Variants in ADAMTS14 observed in about 807,000 individuals in gnomAD.
ADAMTS14 encodes ADAM metallopeptidase with thrombospondin type 1 motif 14, also known as A disintegrin and metalloproteinase with thrombospondin motifs 14.
A neutral mutation model predicts 128.6 loss-of-function variants in ADAMTS14; 100 were observed. That is an observed-to-expected ratio of 0.78 (90% CI 0.66 to 0.92). The LOEUF (loss-of-function observed/expected upper bound fraction) is 0.92. Among genes scored for constraint, ADAMTS14 ranks in the 40% least tolerant of loss-of-function variants. The pLI, the probability that ADAMTS14 is intolerant of heterozygous loss-of-function variation, is 0.00. For missense variants in ADAMTS14, 1,562 were observed against 1,658.6 expected, an observed-to-expected ratio of 0.94 and a Z score of 1.01; for synonymous variants, 665 against 653.8, an observed-to-expected ratio of 1.02 and a Z score of -0.26.
At chr10:70,739,139 G>A (rs1272013380) in intron 11 of ADAMTS14, 149 bp downstream of exon 11, 5 of 1,007,054 alleles carry the variant, frequency 5.0e-6, no homozygotes, top group Non-Finnish European at 7.0e-6. Flanking sequence ...CAAACTTGTT[G>A]GTGGAGGCAG....
intron 4 of ADAMTS14, among the ~76,000 whole-genome samples, chr10:70,727,966 G>T (rs1214194711): frequency 1.3e-5 from 2 of 152,096 alleles, no homozygotes; most frequent in Non-Finnish European, 2.9e-5. Context: ...TGTGGTGGCG[G>T]GTGCCTGTAG....
intron 2 of ADAMTS14, among the ~76,000 whole-genome samples, chr10:70,681,579 C>G (rs1564517481): frequency 1.3e-5 from 2 of 152,248 alleles, no homozygotes; most frequent in African/African-American, 2.4e-5. Flanking sequence ...TGGTGCACAG[C>G]AGACTTGTCT....
At chr10:70,734,357 A>G (rs1251264563) in intron 8 of ADAMTS14, among the ~76,000 whole-genome samples, 2 of 152,120 alleles carry the variant, frequency 1.3e-5, no homozygotes, top group Admixed American at 6.5e-5. Context: ...GGTGATACTT[A>G]TGCCTGCTGA....
At chr10:70,673,554 C>T (rs1839550975) in intron 1 of ADAMTS14, among the ~76,000 whole-genome samples, 1 of 152,130 alleles carries the variant, frequency 6.6e-6, no homozygotes, top group African/African-American at 2.4e-5. Context: ...GTTTGTGAGC[C>T]TTGTTCATGT....
At chr10:70,752,917 C>T (rs1452513457) in intron 18 of ADAMTS14, among the ~76,000 whole-genome samples, 1 of 152,198 alleles carries the variant, frequency 6.6e-6, no homozygotes, top group Non-Finnish European at 1.5e-5. Flanking sequence ...GATAACCAGC[C>T]CCTCCTCTGC....
intron 4 of ADAMTS14, among the ~76,000 whole-genome samples, chr10:70,715,567 G>A (rs1841012374): frequency 1.3e-5 from 2 of 152,126 alleles, no homozygotes; most frequent in Admixed American, 1.3e-4. Flanking sequence ...GAAAAACAAT[G>A]AAACCCACTG....
intron 19 of ADAMTS14, among the ~76,000 whole-genome samples, chr10:70,754,991 A>G (rs1194505002): frequency 6.6e-6 from 1 of 152,172 alleles, no homozygotes; most frequent in East Asian, 1.9e-4. Flanking sequence ...GCCAAGTAAA[A>G]CAAGCCAAGC....
intron 9 of ADAMTS14, 105 bp downstream of exon 9, chr10:70,735,406 G>A: frequency 6.8e-7 from 1 of 1,459,964 alleles, no homozygotes; most frequent in East Asian, 2.4e-5. Context: ...GCTGGCCAGT[G>A]GGCCTGGTGA....
At chr10:70,740,464 G>A (rs1841960955) in intron 11 of ADAMTS14, among the ~76,000 whole-genome samples, 1 of 152,244 alleles carries the variant, frequency 6.6e-6, no homozygotes, top group Non-Finnish European at 1.5e-5. Context: ...GCCACAGCAA[G>A]GCTAAGTGGC....
intron 2 of ADAMTS14, among the ~76,000 whole-genome samples, chr10:70,696,208 A>C (rs891102066): frequency 2.4e-4 from 37 of 152,250 alleles, no homozygotes; most frequent in Middle Eastern, 3.4e-3. Flanking sequence ...TAGCTGCAGG[A>C]GCTGAGTCCT....
intron 2 of ADAMTS14, among the ~76,000 whole-genome samples, chr10:70,683,962 T>A (rs984912665): frequency 1.3e-5 from 2 of 152,108 alleles, no homozygotes; most frequent in African/African-American, 4.8e-5. Flanking sequence ...CTTGCACTGC[T>A]ATAAAAAAAT....
intron 2 of ADAMTS14, among the ~76,000 whole-genome samples, chr10:70,688,004 G>A (rs1370035512): frequency 4.7e-5 from 3 of 63,752 alleles, no homozygotes; most frequent in African/African-American, 1.2e-4. Context: ...GGTGGCTGCC[G>A]GGCGGAGACG....
At chr10:70,686,469 T>C (rs1369270623) in intron 2 of ADAMTS14, among the ~76,000 whole-genome samples, 9 of 91,318 alleles carry the variant, frequency 9.9e-5, no homozygotes. Context: ...TACTTGAGAT[T>C]AGGGATTGGT....
chr10:70,746,557 C>T (rs1245209645), intron 15 of ADAMTS14, among the ~76,000 whole-genome samples: 1 of 152,146 alleles, frequency 6.6e-6, no homozygotes, highest in Non-Finnish European at 1.5e-5. Context: ...CCTGTAATCC[C>T]AACACTTTGG....
At chr10:70,704,957 C>T (rs1209916035) in intron 3 of ADAMTS14, among the ~76,000 whole-genome samples, 2 of 152,000 alleles carry the variant, frequency 1.3e-5, no homozygotes, top group African/African-American at 4.8e-5. Context: ...TCTATACACT[C>T]ATACACTCTC....
chr10:70,739,987 G>A (rs928664949), intron 11 of ADAMTS14, among the ~76,000 whole-genome samples: 4 of 152,216 alleles, frequency 2.6e-5, no homozygotes, highest in African/African-American at 9.7e-5. Flanking sequence ...AGGGGTCCCT[G>A]TTCTGAGTAA....
At position 70,737,954 on chromosome 10, in the gene ADAMTS14, C is replaced by T. The variant is rs1321718281; in HGVS notation, c.1600-888C>T. Reference sequence around the variant, plus strand: ...ACTTTGCGAATTTATGAAAAGTCATCGCATTGCATACTTGAAATGAGTGAA... The same window carrying T: ...ACTTTGCGAATTTATGAAAAGTCATTGCATTGCATACTTGAAATGAGTGAA... On this transcript the variant is annotated intron_variant, in intron 10 of 21. Coordinates refer to ENST00000373207, the MANE Select transcript of ADAMTS14 (RefSeq NM_080722.4). Among the ~76,000 whole-genome samples the T allele has an allele frequency of 5.3e-5, 8 of 152,282 alleles. 1 individual carries two copies. In the South Asian group the frequency reaches 1.2e-3, roughly 24 times the overall value.
intron 21 of ADAMTS14, 31 bp from the exon 22 acceptor site, chr10:70,760,329 T>G: frequency 6.6e-7 from 1 of 1,510,004 alleles, no homozygotes; most frequent in Non-Finnish European, 8.8e-7. Context: ...CCCACGTTGC[T>G]TCCATCCTTG....
At chr10:70,714,911 A>C (rs1379069895) in intron 4 of ADAMTS14, among the ~76,000 whole-genome samples, 3 of 142,618 alleles carry the variant, frequency 2.1e-5, no homozygotes, top group Non-Finnish European at 4.5e-5. Flanking sequence ...GGGCCATTGC[A>C]CTCCAGCCTG....
Sources: allele counts gnomAD v4.1 joint callset (sites outside exome capture counted in the v4.1 genomes callset), GRCh38; gene constraint gnomAD v4.1.1; transcripts MANE v1.5; gene names NCBI Gene and HGNC (gene_info 2026-07-23, HGNC 2026-07-21).